MAGI3: variants seen among roughly 807,000 people sequenced by gnomAD.
MAGI3 encodes the protein membrane associated guanylate kinase, WW and PDZ domain containing 3.
In MAGI3, 43 loss-of-function variants were observed where a neutral mutation model predicts 121.8. The observed-to-expected ratio is 0.35, with a 90% confidence interval of 0.28 to 0.46. MAGI3 has a LOEUF of 0.46. Ranked by LOEUF, MAGI3 falls within the 20% of genes least tolerant of loss-of-function variation. The probability of loss-of-function intolerance (pLI) is 1.00; values close to 1 mark genes in which losing one functional copy is unlikely to be tolerated. For missense variants in MAGI3, 1,547 were observed against 1,797.3 expected (o/e 0.86, Z 2.52); for synonymous variants, 553 against 639.3 (o/e 0.86, Z 2.04).
At chr1:113,494,074 A>G (rs970610828) in intron 1 of MAGI3, among the ~76,000 whole-genome samples, 1 of 152,224 alleles carries the variant, frequency 6.6e-6, no homozygotes, top group Admixed American at 6.5e-5. Flanking sequence ...ATGCACTTAT[A>G]TGTTCATTGC....
intron 1 of MAGI3, among the ~76,000 whole-genome samples, chr1:113,393,947 G>A (rs1418336200): frequency 6.6e-6 from 1 of 152,206 alleles, no homozygotes; most frequent in African/African-American, 2.4e-5. Flanking sequence ...CAGTGAAAGA[G>A]TAAAATTTAA....
chr1:113,630,374 G>C (rs1651548510), intron 9 of MAGI3, among the ~76,000 whole-genome samples: 1 of 152,126 alleles, frequency 6.6e-6, no homozygotes, highest in Admixed American at 6.5e-5. Context: ...CTCTGATCCA[G>C]ACTAGGTCCA....
At chr1:113,582,709 C>T (rs1648114384) in intron 3 of MAGI3, among the ~76,000 whole-genome samples, 1 of 151,752 alleles carries the variant, frequency 6.6e-6, no homozygotes, top group Non-Finnish European at 1.5e-5. Flanking sequence ...TTCAGGACAG[C>T]TCAGGGAGGG....
chr1:113,639,235 A>G (rs926907768), intron 9 of MAGI3, among the ~76,000 whole-genome samples: 4 of 152,194 alleles, frequency 2.6e-5, no homozygotes, highest in African/African-American at 9.6e-5. Flanking sequence ...GGTGCGCTGC[A>G]CCCACTATCC....
chr1:113,454,119 A>G (rs994002693), intron 1 of MAGI3, among the ~76,000 whole-genome samples: 1 of 152,242 alleles, frequency 6.6e-6, no homozygotes, highest in Admixed American at 6.5e-5. Context: ...TAAGAACAGG[A>G]ATTATGCAAG....
chr1:113,431,687 A>G (rs542495266), intron 1 of MAGI3, among the ~76,000 whole-genome samples: 160 of 152,300 alleles, frequency 1.1e-3, no homozygotes, highest in African/African-American at 3.8e-3. Flanking sequence ...AGAGAAGGTA[A>G]TAAGATTTTA....
chr1:113,682,194 T>G (rs774251770), intron 20 of MAGI3: 11 of 1,603,534 alleles, frequency 6.9e-6, no homozygotes, highest in Non-Finnish European at 9.3e-6. Context: ...TCCTAGGCTT[T>G]TTCTCTTCCC....
chr1:113,529,220 A>T (rs1396361831), intron 1 of MAGI3, among the ~76,000 whole-genome samples: 1 of 152,222 alleles, frequency 6.6e-6, no homozygotes, highest in Non-Finnish European at 1.5e-5. Context: ...GTGTTGTGAT[A>T]TAACTGTGTA....
chr1:113,520,444 A>G (rs563439177), intron 1 of MAGI3, among the ~76,000 whole-genome samples: 1 of 152,298 alleles, frequency 6.6e-6, no homozygotes, highest in South Asian at 2.1e-4. Context: ...ATAGATTAGT[A>G]TAAGGAACAT....
At chr1:113,623,712 C>T (rs1651029256) in intron 9 of MAGI3, among the ~76,000 whole-genome samples, 1 of 152,092 alleles carries the variant, frequency 6.6e-6, no homozygotes, top group Non-Finnish European at 1.5e-5. Flanking sequence ...TGGTCTGGAT[C>T]TCCTGACCTC....
At chr1:113,408,122 A>G (rs1053182972) in intron 1 of MAGI3, among the ~76,000 whole-genome samples, 2 of 152,148 alleles carry the variant, frequency 1.3e-5, no homozygotes, top group African/African-American at 4.8e-5. Context: ...CAGATACCAT[A>G]AAAGAGAATG....
intron 1 of MAGI3, among the ~76,000 whole-genome samples, chr1:113,458,627 C>T (rs1166938108): frequency 6.6e-6 from 1 of 151,976 alleles, no homozygotes; most frequent in Non-Finnish European, 1.5e-5. Flanking sequence ...CCTTCCACCC[C>T]AGGCTCCCAG....
At chr1:113,416,259 TATTA>T (rs1331494519) in intron 1 of MAGI3, among the ~76,000 whole-genome samples, 11 of 137,022 alleles carry the variant, frequency 8.0e-5, no homozygotes, top group Non-Finnish European at 1.2e-4. Context: ...TAATTACACA[TATTA>T]ATTATGTAAT....
intron 2 of MAGI3, among the ~76,000 whole-genome samples, chr1:113,576,305 G>T (rs1647636917): frequency 6.6e-6 from 1 of 152,196 alleles, no homozygotes; most frequent in Non-Finnish European, 1.5e-5. Context: ...TGGTGGTGTA[G>T]GCACACGAGG....
intron 1 of MAGI3, among the ~76,000 whole-genome samples, chr1:113,395,579 A>T (rs1199231029): frequency 6.6e-6 from 1 of 151,844 alleles, no homozygotes; most frequent in Non-Finnish European, 1.5e-5. Flanking sequence ...TTTTCTCTCC[A>T]TCATTCTCTA....
At chr1:113,485,180 G>A (rs1213645834) in intron 1 of MAGI3, among the ~76,000 whole-genome samples, 2 of 152,166 alleles carry the variant, frequency 1.3e-5, no homozygotes, top group East Asian at 3.9e-4. Flanking sequence ...TAGATACCTA[G>A]TAGTGGGATT....
chr1:113,426,988 C>CT (rs1332130828), intron 1 of MAGI3, among the ~76,000 whole-genome samples: 4 of 151,886 alleles, frequency 2.6e-5, no homozygotes, highest in Non-Finnish European at 4.4e-5. Flanking sequence ...ATATGTCTCT[C>CT]TCCCCCCTCT....
chr1:113,510,843 A>G (rs780350648), intron 1 of MAGI3, among the ~76,000 whole-genome samples: 4 of 152,146 alleles, frequency 2.6e-5, no homozygotes, highest in African/African-American at 4.8e-5. Context: ...TTATGAATCC[A>G]TCTTCACACG....
chr1:113,570,897 T>C (rs1008966011), intron 2 of MAGI3, among the ~76,000 whole-genome samples: 4 of 152,220 alleles, frequency 2.6e-5, no homozygotes, highest in African/African-American at 9.6e-5. Flanking sequence ...TTTAGTTTAA[T>C]TAGATACCAT....
Sources: allele counts gnomAD v4.1 joint callset (sites outside exome capture counted in the v4.1 genomes callset), GRCh38; gene constraint gnomAD v4.1.1; transcripts MANE v1.5; gene names NCBI Gene and HGNC (gene_info 2026-07-23, HGNC 2026-07-21).